Variants in LOXL1 observed in about 807,000 individuals in gnomAD.
LOXL1 encodes lysyl oxidase like 1.
In LOXL1, 31 loss-of-function variants were observed where a neutral mutation model predicts 62.2. The ratio of observed to expected loss-of-function variants is 0.50; its 90% confidence interval spans 0.37 to 0.67. LOXL1 has a LOEUF of 0.67. LOXL1 is among the 30% of genes least tolerant of loss of function. LOXL1 has a pLI of 0.00. For synonymous variants in LOXL1, 403 were observed against 384.4 expected, an observed-to-expected ratio of 1.05 and a Z score of -0.56; for missense variants, 775 against 843.4, an observed-to-expected ratio of 0.92 and a Z score of 1.00.
In LOXL1 at chr15:73,927,231, C is replaced by A; in HGVS notation, c.448C>A (p.Arg150=). 6.3e-7 allele frequency: 1 copy of A among 1,597,032 alleles called. No homozygotes were observed. Reference sequence around the variant, plus strand: ...GGCCCGCACCTCCGTCTCCCAGCAACGGCACGGGGGCTCCGCCTCCTCGGT... The same window carrying A: ...GGCCCGCACCTCCGTCTCCCAGCAAAGGCACGGGGGCTCCGCCTCCTCGGT... ...ARARTSVSQQ[R]HGGSASSVSA... Residue 150 remains arginine, a synonymous_variant, in exon 1 of 7, where the codon CGG becomes AGG. Transcript: ENST00000261921.
Position 73,951,846 on chromosome 15 carries a change from A to AG in LOXL1, c.*12dup, listed in dbSNP as rs747869175. ...CCTTCCTCAGATCCTGATCTCCGGGAGGGACAGATGGCCAATCTCTCCCCT... is the reference window on the plus strand; with the variant it reads ...CCTTCCTCAGATCCTGATCTCCGGGAGGGGACAGATGGCCAATCTCTCCCCT... On this transcript the variant is annotated 3_prime_UTR_variant, in exon 7 of 7. Coordinates refer to ENST00000261921, the MANE Select transcript of LOXL1 (RefSeq NM_005576.4). 3.9e-6 allele frequency: 6 copies of AG among 1,543,568 alleles called. No individual in the cohort carries two copies. The East Asian group carries it at 1.3e-4, about 32-fold the overall frequency.
At chr15:73,932,393 T>TA (rs951659436) in intron 1 of LOXL1, among the ~76,000 whole-genome samples, 121 of 151,242 alleles carry the variant, frequency 8.0e-4, no homozygotes, top group African/African-American at 2.4e-3. Flanking sequence ...ACCATGCATT[T>TA]AAAAAAAAAA....
At position 73,927,548 on chromosome 15, in the gene LOXL1, C is replaced by T; in HGVS notation, c.765C>T (p.Pro255=). The change falls in exon 1 of 7, where the codon CCC becomes CCT. Residue 255 remains proline (P), a synonymous_variant. Transcript: ENST00000261921. ...CGCCTCAGGGCTTCTACCCGGCCCC[C>T]GAGAGGCCCTACGTGCCGCCGCCGC... is the stretch of plus-strand genomic sequence containing the variant. The part of the protein sequence containing the change: ...EYPPQGFYPA[P]ERPYVPPPPP... 6.7e-7 allele frequency: 1 copy of T among 1,496,876 alleles called. No homozygotes were observed. The highest frequency in any genetic ancestry group is 8.9e-7 in the Non-Finnish European group (1 of 1,129,810). 92.7% of individuals were successfully genotyped at this position (1,496,876 alleles called of 1,614,324 possible). A position where few individuals can be genotyped will look rare whatever the true frequency, so the allele number is the denominator to read the frequency against.
Position 73,930,874 on chromosome 15 carries a change from C to T in LOXL1, c.1102+2989C>T, listed in dbSNP as rs1196031394. 6.6e-6 allele frequency among the ~76,000 whole-genome samples: 1 copy of T among 152,226 alleles called. No individual in the cohort carries two copies. The highest frequency in any genetic ancestry group is 2.4e-5 in the African/African-American group (1 of 41,452). ...GGAAACAGAGGCCCAGAGAGGGTCA[C>T]ATACTTTGCCTGGCTCTCATAGCAA... is the stretch of plus-strand genomic sequence containing the variant. On this transcript the variant is annotated intron_variant, in intron 1 of 6. Transcript: ENST00000261921. The surrounding 1 kb of genome is among the most constrained non-coding windows in gnomAD (Gnocchi z 4.7).
chr15:73,951,360 C>T (rs532182896), intron 6 of LOXL1, among the ~76,000 whole-genome samples: 1 of 152,224 alleles, frequency 6.6e-6, no homozygotes, highest in South Asian at 2.1e-4. Flanking sequence ...AAAGGCCGGG[C>T]CTTATTAGAG....
At chr15:73,932,159 C>T (rs2068639643) in intron 1 of LOXL1, among the ~76,000 whole-genome samples, 1 of 152,184 alleles carries the variant, frequency 6.6e-6, no homozygotes. Flanking sequence ...GACCCCTCTG[C>T]CAGCTTTGCC....
rs2068576376 is a variant in LOXL1 at position 73,926,470 on chromosome 15, T to A, written c.-314T>A. ...CAGCCTGTTGCTTATTCATTCAGAG[T>A]GGGAAAGCGCCAGCCGAGCGGCCAG... On this transcript the variant is annotated 5_prime_UTR_variant, in exon 1 of 7. Transcript: ENST00000261921. The A allele has an allele frequency of 3.5e-6, 1 of 287,506 alleles. No individual in the cohort carries two copies. Among genetic ancestry groups the A allele is most frequent in the African/African-American group, 2.2e-5 (1 of 45,824 alleles). The allele number at this position is 287,506 out of a possible 1,614,324, so 17.8% of individuals were successfully genotyped here.
intron 1 of LOXL1, among the ~76,000 whole-genome samples, chr15:73,937,645 G>A (rs1241198421): frequency 6.6e-6 from 1 of 152,264 alleles, no homozygotes; most frequent in African/African-American, 2.4e-5. Flanking sequence ...AAGAATGGAG[G>A]CCATGAAGCC....
chr15:73,929,751 T>C, intron 1 of LOXL1, among the ~76,000 whole-genome samples: 1 of 152,152 alleles, frequency 6.6e-6, no homozygotes, highest in Non-Finnish European at 1.5e-5. Flanking sequence ...ACCTAGAGGG[T>C]GCTAAACTTT....
chr15:73,946,689 C>T, intron 3 of LOXL1, 135 bp downstream of exon 3: 2 of 1,044,636 alleles, frequency 1.9e-6, no homozygotes, highest in Non-Finnish European at 2.7e-6. Context: ...GGAGGTGTTA[C>T]CTGCCAACTC....
In LOXL1 at chr15:73,927,159, G is replaced by T. The variant is rs766502095; in HGVS notation, c.376G>T (p.Asp126Tyr). The T allele has an allele frequency of 6.6e-7, 1 of 1,525,520 alleles. No homozygotes were observed. Among genetic ancestry groups the T allele is most frequent in the African/African-American group, 1.4e-5 (1 of 70,090 alleles). 94.5% of individuals were successfully genotyped at this position (1,525,520 alleles called of 1,614,324 possible). A position where few individuals can be genotyped will look rare whatever the true frequency, so the allele number is the denominator to read the frequency against. The change falls in exon 1 of 7, where the codon GAC becomes TAC. Residue 126 changes from aspartate to tyrosine, a missense_variant. Physicochemically the swap from Asp to Tyr is radical, Grantham distance 160 (BLOSUM62 -3). Transcript: ENST00000261921. ...CCCATTCGGCTTTGGCCAGGTGCCC[G>T]ACAACTGGCGCGAGGTGGCCGTCGG... ...RHPFGFGQVP[D>Y]NWREVAVGDS...
rs771845573 is a variant in LOXL1, at chr15:73,949,572, C to A, written c.1716C>A (p.Val572=). The A allele has an allele frequency of 1.1e-5, 17 of 1,608,160 alleles. No individual in the cohort carries two copies. In the South Asian group the frequency reaches 1.4e-4, roughly 14 times the overall value. ...RYVSATNCKI[V]QS is the part of the protein sequence containing the mutation. ...TTTCTGCAACAAACTGCAAAATTGT[C>A]CAGTAAGAGTTTGCCCACCACCCTT... Residue 572 remains valine (V), a splice_region_variant and synonymous_variant, in exon 6 of 7, where the codon GTC becomes GTA. Transcript: ENST00000261921.
chr15:73,935,722 C>G (rs2068666098), intron 1 of LOXL1, among the ~76,000 whole-genome samples: 1 of 152,196 alleles, frequency 6.6e-6, no homozygotes, highest in Non-Finnish European at 1.5e-5. Flanking sequence ...GCCTCCCCCT[C>G]AGCCCAGCCT....
At position 73,951,914 on chromosome 15, in the gene LOXL1, G is replaced by C; in HGVS notation, c.*77G>C. The C allele has an allele frequency of 7.4e-7, 1 of 1,349,858 alleles. No homozygotes were observed. The highest frequency in any genetic ancestry group is 1.8e-5 in the South Asian group (1 of 56,174). 83.6% of individuals were successfully genotyped at this position (1,349,858 alleles called of 1,614,324 possible). A position where few individuals can be genotyped will look rare whatever the true frequency, so the allele number is the denominator to read the frequency against. On this transcript the variant is annotated 3_prime_UTR_variant, in exon 7 of 7. Coordinates refer to ENST00000261921, the MANE Select transcript of LOXL1 (RefSeq NM_005576.4). Reference sequence around the variant, plus strand: ...TCCCCGGGCAGCCTCCCGCCGAGGGGCCCAGCCCCCAACCCACAGGCACGG... The same window carrying C: ...TCCCCGGGCAGCCTCCCGCCGAGGGCCCCAGCCCCCAACCCACAGGCACGG...
intron 2 of LOXL1, 59 bp downstream of exon 2, chr15:73,943,021 C>T (rs113754328): frequency 7.3e-7 from 1 of 1,370,136 alleles, no homozygotes; most frequent in South Asian, 1.2e-5. Context: ...TCACCCAGAA[C>T]CCAGCCTAGC....
chr15:73,946,030 C>A (rs895921016), intron 2 of LOXL1, among the ~76,000 whole-genome samples: 1 of 152,340 alleles, frequency 6.6e-6, no homozygotes, highest in East Asian at 1.9e-4. Context: ...AAGTGCCTGG[C>A]CCCCGCAATA....
Position 73,947,210 on chromosome 15 carries a change from CCT to C in LOXL1, c.1497_1498del (p.His500TyrfsTer10). 1 of 1,601,824 alleles carries C rather than the reference CCT, an allele frequency of 6.2e-7. No individual in the cohort carries two copies. The highest frequency in any genetic ancestry group is 8.5e-7 in the Non-Finnish European group (1 of 1,170,240). ...GGCAACCTCAAGCGCTATGCATGCACCTCTCATACCCAGGTTGGGCTGGAGAG... is the reference window on the plus strand; with the variant it reads ...GGCAACCTCAAGCGCTATGCATGCACCTCATACCCAGGTTGGGCTGGAGAG... On this transcript the variant is annotated frameshift_variant, in exon 4 of 7. Coordinates refer to ENST00000261921, the MANE Select transcript of LOXL1 (RefSeq NM_005576.4). LOFTEE classifies it high-confidence loss of function.
In LOXL1 at chr15:73,930,298, A is replaced by G. The variant is rs1214761398; in HGVS notation, c.1102+2413A>G. 6.6e-6 allele frequency among the ~76,000 whole-genome samples: 1 copy of G among 152,140 alleles called. No homozygotes were observed. The highest frequency in any genetic ancestry group is 1.5e-5 in the Non-Finnish European group (1 of 68,016). On this transcript the variant is annotated intron_variant, in intron 1 of 6. Transcript: ENST00000261921. The surrounding 1 kb of genome is among the most constrained non-coding windows in gnomAD (Gnocchi z 4.7). ...CAATGTCTAAGCATTGCTGCAAGGG[A>G]TGGTCATCAGCACCATCCAGGTGCC...
In LOXL1 at chr15:73,927,331, C is replaced by T. The variant is rs758087959; in HGVS notation, c.548C>T (p.Pro183Leu). Residue 183 changes from proline (P) to leucine (L), a missense_variant, in exon 1 of 7, where the codon CCC (proline) becomes CTC (leucine). Coordinates refer to ENST00000261921, the MANE Select transcript of LOXL1 (RefSeq NM_005576.4). ...CAGCAGTTCCCCTACCCGCAGGCGC[C>T]CTTCGTCAGCCAGTACGAGAACTAC... ...YPQQFPYPQA[P>L]FVSQYENYDP... 5.0e-6 allele frequency: 8 copies of T among 1,602,622 alleles called. No homozygotes were observed. Among genetic ancestry groups the T allele is most frequent in the Non-Finnish European group, 6.8e-6 (8 of 1,176,220 alleles).
Sources: allele counts gnomAD v4.1 joint callset (sites outside exome capture counted in the v4.1 genomes callset), GRCh38; gene constraint gnomAD v4.1.1; non-coding constraint Gnocchi (gnomAD v3.1); transcripts MANE v1.5; gene names NCBI Gene and HGNC (gene_info 2026-07-23, HGNC 2026-07-21).